PDCD4: variants seen among roughly 807,000 people sequenced by gnomAD.
PDCD4 encodes programmed cell death protein 4.
Under a neutral mutation model 54.0 loss-of-function variants are expected in PDCD4, and 56 were observed. The observed-to-expected ratio is 1.04, with a 90% CI of 0.84 to 1.30. PDCD4 has a LOEUF of 1.30. Among genes scored for constraint, PDCD4 ranks in the 50% most tolerant of loss-of-function variants. The probability of loss-of-function intolerance (pLI) is 0.00; values close to 1 mark genes in which losing one functional copy is unlikely to be tolerated. For missense variants in PDCD4, 584 were observed against 559.8 expected (o/e 1.04, Z -0.44); for synonymous variants, 186 against 194.8 (o/e 0.95, Z 0.37).
At chr10:110,895,653 G>A (rs1003584712) in intron 10 of PDCD4, among the ~76,000 whole-genome samples, 3 of 152,060 alleles carry the variant, frequency 2.0e-5, no homozygotes, top group Non-Finnish European at 2.9e-5. Flanking sequence ...AGAAATCTCC[G>A]AACCACTTTC....
At chr10:110,889,389 G>GTT (rs1000427214) in intron 6 of PDCD4, 144 bp from the exon 7 acceptor site, 2 of 626,454 alleles carry the variant, frequency 3.2e-6, no homozygotes, top group Non-Finnish European at 5.6e-6. Flanking sequence ...TACTACATAG[G>GTT]TTTTTTTTTA....
intron 1 of PDCD4, 105 bp from the exon 2 acceptor site, chr10:110,875,861 G>T (rs1229751582): frequency 2.2e-6 from 1 of 450,912 alleles, no homozygotes; most frequent in Non-Finnish European, 4.0e-6. Context: ...TGTGTTTTTT[G>T]TTGTTGTCGT....
chr10:110,894,656 C>T (rs1845804202), intron 10 of PDCD4, 134 bp downstream of exon 10: 3 of 390,632 alleles, frequency 7.7e-6, no homozygotes, highest in South Asian at 1.2e-4. Flanking sequence ...TTTGTTTTTT[C>T]TTAATGGTAA....
intron 8 of PDCD4, chr10:110,890,976 T>C: frequency 5.0e-6 from 1 of 199,570 alleles, no homozygotes; most frequent in Non-Finnish European, 1.0e-5. Flanking sequence ...GCTGTTGAAA[T>C]GAGATTTTCT....
At chr10:110,896,488 G>GT (rs1392201046) in intron 11 of PDCD4, among the ~76,000 whole-genome samples, 1 of 152,130 alleles carries the variant, frequency 6.6e-6, no homozygotes, top group African/African-American at 2.4e-5. Context: ...GCTCTTACCT[G>GT]TACTGGATGT....
At chr10:110,894,045 T>G (rs1845793602) in intron 8 of PDCD4, 46 bp from the exon 9 acceptor site, 1 of 1,182,270 alleles carries the variant, frequency 8.5e-7, no homozygotes, top group Admixed American at 1.8e-5. Context: ...GCACGATATT[T>G]TAAAAGTTAG....
chr10:110,872,267 A>AGCGTGTCGGC (rs1465731346), intron 1 of PDCD4: 1 of 152,120 alleles, frequency 6.6e-6, no homozygotes, highest in Non-Finnish European at 1.5e-5. Context: ...CCCAGCCTGG[A>AGCGTGTCGGC]GCGTGTCGGC....
chr10:110,891,160 T>C (rs1845749584), intron 8 of PDCD4, among the ~76,000 whole-genome samples: 1 of 152,114 alleles, frequency 6.6e-6, no homozygotes. Flanking sequence ...ATCCCAGCAC[T>C]TTGAGAGGCT....
chr10:110,896,209 A>G (rs1845830247), intron 11 of PDCD4, 122 bp downstream of exon 11: 1 of 718,722 alleles, frequency 1.4e-6, no homozygotes, highest in Non-Finnish European at 2.3e-6. Context: ...TTGTGAGTTC[A>G]TGGAGAAAGA....
chr10:110,887,550 A>G (rs767610731), intron 5 of PDCD4, 115 bp from the exon 6 acceptor site: 4 of 639,446 alleles, frequency 6.3e-6, no homozygotes, highest in Non-Finnish European at 1.1e-5. Context: ...ATTATTTCCA[A>G]AGAGTGAGAC....
At chr10:110,883,127 T>C in intron 4 of PDCD4, 30 bp downstream of exon 4, 1 of 1,384,736 alleles carries the variant, frequency 7.2e-7, no homozygotes, top group African/African-American at 1.5e-5. Flanking sequence ...TCATAATATT[T>C]AAAATGTTTA....
intron 2 of PDCD4, chr10:110,876,715 T>C (rs781046134): frequency 7.6e-7 from 1 of 1,318,668 alleles, no homozygotes; most frequent in Admixed American, 2.5e-5. Flanking sequence ...CATGTTATTA[T>C]CATAAAAATG....
intron 11 of PDCD4, 114 bp downstream of exon 11, chr10:110,896,201 G>T: frequency 1.3e-6 from 1 of 757,722 alleles, no homozygotes; most frequent in South Asian, 1.9e-5. Flanking sequence ...CGTGACTCTT[G>T]TGAGTTCATG....
chr10:110,891,679 T>A (rs1045162998), intron 8 of PDCD4, among the ~76,000 whole-genome samples: 1 of 152,168 alleles, frequency 6.6e-6, no homozygotes, highest in African/African-American at 2.4e-5. Context: ...TGTTTGTGTA[T>A]GTGTATCTAG....
Position 110,894,473 on chromosome 10 carries a change from T to TA in PDCD4, c.1163dup (p.Ser389ValfsTer18). On this transcript the variant is annotated frameshift_variant, in exon 10 of 12. Coordinates refer to ENST00000280154, the MANE Select transcript of PDCD4 (RefSeq NM_014456.5). LOFTEE classifies it high-confidence loss of function. ...ACATTTAAGATGATTTTGGATTTAT[T>TA]AAAGTCCCTTTGGAAGTCTTCTACC... The TA allele has an allele frequency of 3.2e-6, 5 of 1,573,252 alleles. No homozygotes were observed. The highest frequency in any genetic ancestry group is 4.4e-6 in the Non-Finnish European group (5 of 1,144,340).
chr10:110,878,712 T>C (rs1266363038), intron 2 of PDCD4, among the ~76,000 whole-genome samples: 1 of 152,232 alleles, frequency 6.6e-6, no homozygotes. Flanking sequence ...CTAGCCATAA[T>C]CCTTTCTAGA....
chr10:110,874,892 T>C (rs1845478266), intron 1 of PDCD4, among the ~76,000 whole-genome samples: 1 of 152,144 alleles, frequency 6.6e-6, no homozygotes, highest in Admixed American at 6.5e-5. Flanking sequence ...TTAAGTTATA[T>C]AGGAAAAAAT....
At position 110,896,034 on chromosome 10, in the gene PDCD4, A is replaced by AT. The variant is rs1222826775; in HGVS notation, c.1297dup (p.Cys433LeufsTer33). 1 of 1,611,456 alleles carries AT rather than the reference A, an allele frequency of 6.2e-7. No homozygotes were observed. The highest frequency in any genetic ancestry group is 8.5e-7 in the Non-Finnish European group (1 of 1,178,330). On this transcript the variant is annotated frameshift_variant, in exon 11 of 12. Coordinates refer to ENST00000280154, the MANE Select transcript of PDCD4 (RefSeq NM_014456.5). LOFTEE classifies it high-confidence loss of function. ...CTGTGCTGGAGCGGTTTGTAGAAGA[A>AT]TGTTTTCAGGCTGGAATAATTTCCA...
intron 2 of PDCD4, 96 bp downstream of exon 2, chr10:110,876,166 A>G: frequency 1.1e-6 from 1 of 943,600 alleles, no homozygotes; most frequent in Admixed American, 2.9e-5. Flanking sequence ...ATCATGGCTC[A>G]CTGCAGTTTT....
Sources: gnomAD v4.1 joint callset for allele counts (sites outside exome capture counted in the v4.1 genomes callset) on GRCh38, gnomAD v4.1.1 for gene constraint, MANE v1.5 for transcripts, NCBI Gene and HGNC (gene_info 2026-07-23, HGNC 2026-07-21) for gene names.